CD34: variants seen among roughly 807,000 people sequenced by gnomAD.
CD34 encodes the protein hematopoietic progenitor cell antigen CD34.
CD34 carries 34 observed loss-of-function variants against 40.1 expected under a neutral mutation model. The ratio of observed to expected loss-of-function variants is 0.85; its 90% CI spans 0.65 to 1.13. CD34 has a LOEUF of 1.13. Among genes scored for constraint, CD34 ranks in the 50% most tolerant of loss-of-function variants. CD34 has a pLI of 0.00. For missense variants in CD34, 426 were observed against 466.9 expected (o/e 0.91, Z 0.81); for synonymous variants, 209 against 190.0 (o/e 1.10, Z -0.82).
intron 4 of CD34, chr1:207,890,242 G>A (rs1176680041): frequency 1.0e-6 from 1 of 995,298 alleles, no homozygotes; most frequent in Non-Finnish European, 1.2e-6. Flanking sequence ...TGCTGACTGG[G>A]CCATCAGACC....
chr1:207,884,327 T>C lies in CD34; in HGVS notation c.*3411A>G, dbSNP rs969300243. On this transcript the variant is annotated 3_prime_UTR_variant, in exon 8 of 8. Transcript: ENST00000310833. ...TAGCTCTCAATCCTGAAAACACATG[T>C]ATATACTTACTGAGATGACATTGTT... 6.6e-6 allele frequency: 1 copy of C among 152,274 alleles called. No homozygotes were observed. The highest frequency in any genetic ancestry group is 1.5e-5 in the Non-Finnish European group (1 of 68,046). The allele number at this position is 152,274 out of a possible 1,614,324, so 9.4% of individuals were successfully genotyped here.
At position 207,897,477 on chromosome 1, in the gene CD34, T is replaced by C; in HGVS notation, c.597+16A>G. On this transcript the variant is annotated intron_variant, in intron 4 of 7. Coordinates refer to ENST00000310833, the MANE Select transcript of CD34 (RefSeq NM_001025109.2). ...ACAGGGGCGGGAGGAAGAGGTTGGG[T>C]GGGGGGTTGACTTACACAGCTGGAG... The C allele has an allele frequency of 6.5e-7, 1 of 1,540,074 alleles. No homozygotes were observed. The highest frequency in any genetic ancestry group is 8.8e-7 in the Non-Finnish European group (1 of 1,135,704).
intron 1 of CD34, among the ~76,000 whole-genome samples, chr1:207,907,314 C>T (rs373099211): frequency 1.3e-5 from 2 of 152,188 alleles, no homozygotes; most frequent in Non-Finnish European, 2.9e-5. Context: ...CCTCTCCACC[C>T]TTTATATGCT....
Position 207,884,119 on chromosome 1 carries a change from C to G in CD34, c.*3619G>C, listed in dbSNP as rs900098009. ...ATCTGAGGCTTTCTGCACTTGGCAG[C>G]TTTTCATCATAGGGCTTTGCACTTG... is the stretch of plus-strand genomic sequence containing the variant. On this transcript the variant is annotated 3_prime_UTR_variant, in exon 8 of 8. Transcript: ENST00000310833. 3 of 152,198 alleles carry G rather than the reference C, an allele frequency of 2.0e-5. No homozygotes were observed. Among genetic ancestry groups the G allele is most frequent in the Non-Finnish European group, 4.4e-5 (3 of 68,058 alleles). 9.4% of individuals were successfully genotyped at this position (152,198 alleles called of 1,614,324 possible).
chr1:207,884,453 C>T lies in CD34; in HGVS notation c.*3285G>A, dbSNP rs747014969. On this transcript the variant is annotated 3_prime_UTR_variant, in exon 8 of 8. Transcript: ENST00000310833. The stretch of plus-strand genomic sequence containing the variant: ...ACATAACAGATGTTCTGGCACATTT[C>T]GCGCAGTGTCTGGCACATCATAAGA... 4 of 152,174 alleles carry T rather than the reference C, an allele frequency of 2.6e-5. No homozygotes were observed. Among genetic ancestry groups the T allele is most frequent in the Non-Finnish European group, 5.9e-5 (4 of 68,034 alleles). 9.4% of individuals were successfully genotyped at this position (152,174 alleles called of 1,614,324 possible).
Position 207,888,763 on chromosome 1 carries a change from C to T in CD34, c.891G>A (p.Ser297=), listed in dbSNP as rs201757763. 128 of 1,614,080 alleles carry T rather than the reference C, an allele frequency of 7.9e-5. No homozygotes were observed. Among genetic ancestry groups the T allele is most frequent in the East Asian group, 1.3e-4 (6 of 44,904 alleles). Residue 297 remains serine, a synonymous_variant, in exon 7 of 8, where the codon TCG becomes TCA. Transcript: ENST00000310833. Reference sequence around the variant, plus strand: ...TGCCCAAGACAGCCAGCAGGGCTCCCGAGGTGACCAGTGCAATCAGGGTCT... The same window carrying T: ...TGCCCAAGACAGCCAGCAGGGCTCCTGAGGTGACCAGTGCAATCAGGGTCT... ...SQKTLIALVT[S]GALLAVLGIT...
At chr1:207,897,849 G>A (rs538569457) in intron 3 of CD34, among the ~76,000 whole-genome samples, 1 of 152,270 alleles carries the variant, frequency 6.6e-6, no homozygotes, top group South Asian at 2.1e-4. Context: ...ACACTGGCTT[G>A]GATGGTGCAG....
chr1:207,887,448 C>G lies in CD34; in HGVS notation c.*290G>C. The G allele has an allele frequency of 2.5e-6, 1 of 399,624 alleles. No homozygotes were observed. Among genetic ancestry groups the G allele is most frequent in the South Asian group, 4.1e-5 (1 of 24,328 alleles). The allele number at this position is 399,624 out of a possible 1,614,324, so 24.8% of individuals were successfully genotyped here. On this transcript the variant is annotated 3_prime_UTR_variant, in exon 8 of 8. Transcript: ENST00000310833. ...AGGGGAAGGGGGTCCTGTGTGAGTG[C>G]TGCAAGGCCATCGATTGTTCCTGGG...
chr1:207,904,379 C>T (rs925666766), intron 1 of CD34, among the ~76,000 whole-genome samples: 1 of 152,174 alleles, frequency 6.6e-6, no homozygotes, highest in African/African-American at 2.4e-5. Context: ...AGGAAGTAGG[C>T]CGTTGGGAGC....
chr1:207,889,345 C>T (rs1347683540), intron 5 of CD34, 120 bp downstream of exon 5: 6 of 1,538,972 alleles, frequency 3.9e-6, no homozygotes, highest in Non-Finnish European at 5.3e-6. Flanking sequence ...CCAAAGCCAG[C>T]CAAGTCCTTC....
intron 1 of CD34, among the ~76,000 whole-genome samples, chr1:207,902,033 C>T (rs2267897): frequency 0.14 from 21,584 of 152,164 alleles, 2,595 homozygotes; most frequent in African/African-American, 0.32. Context: ...GGGCCAAGAA[C>T]GGTTTCCCTA....
At chr1:207,896,981 A>C (rs143582728) in intron 4 of CD34, among the ~76,000 whole-genome samples, 1,687 of 152,314 alleles carry the variant, frequency 0.011, 19 homozygotes, top group South Asian at 0.028. Context: ...GAGTCATTCA[A>C]CAAATAATGT....
Position 207,889,557 on chromosome 1 carries a change from T to C in CD34, c.662A>G (p.Asp221Gly). The change falls in exon 5 of 8, where the codon GAT (aspartate) becomes GGT (glycine). Residue 221 changes from aspartate to glycine, a missense_variant. Physicochemically the swap from Asp to Gly is moderately conservative, Grantham distance 94. Coordinates refer to ENST00000310833, the MANE Select transcript of CD34 (RefSeq NM_001025109.2). ...ARVLCGEEQA[D>G]ADAGAQVCSL... ...GCATACCTGGGCCCCAGCATCAGCA[T>C]CAGCCTGCTCCTCCCCACACAGCAC... 1 of 1,614,152 alleles carries C rather than the reference T, an allele frequency of 6.2e-7. No homozygotes were observed.
chr1:207,911,039 C>T lies in CD34; in HGVS notation c.42G>A (p.Pro14=). 1.3e-6 allele frequency: 2 copies of T among 1,593,822 alleles called. No individual in the cohort carries two copies. Among genetic ancestry groups the T allele is most frequent in the Non-Finnish European group, 1.7e-6 (2 of 1,173,476 alleles). ...GCAAGCAAAGCGCGGTCCAGCCCCGCGGCATCCTGGGCCCTGCGCGCGCGC... is the reference window on the plus strand; with the variant it reads ...GCAAGCAAAGCGCGGTCCAGCCCCGTGGCATCCTGGGCCCTGCGCGCGCGC... ...RRGARAGPRM[P]RGWTALCLLS... The change falls in exon 1 of 8, where the codon CCG becomes CCA. Residue 14 remains proline (P), a synonymous_variant. Transcript: ENST00000310833.
intron 1 of CD34, among the ~76,000 whole-genome samples, chr1:207,908,197 G>A (rs991040463): frequency 1.3e-5 from 2 of 152,250 alleles, no homozygotes; most frequent in East Asian, 1.9e-4. Flanking sequence ...CAAAGATTGC[G>A]AAGGAAGGAG....
chr1:207,894,203 G>A (rs1016808586), intron 4 of CD34, among the ~76,000 whole-genome samples: 1 of 152,154 alleles, frequency 6.6e-6, no homozygotes, highest in African/African-American at 2.4e-5. Flanking sequence ...CACTTACAAT[G>A]GAATATCATT....
intron 1 of CD34, among the ~76,000 whole-genome samples, chr1:207,907,229 C>T (rs1033347518): frequency 7.9e-5 from 12 of 152,168 alleles, no homozygotes; most frequent in African/African-American, 1.4e-4. Flanking sequence ...CTAATGAAGC[C>T]ATGTATTAAA....
intron 1 of CD34, 47 bp downstream of exon 1, chr1:207,910,955 C>T: frequency 1.3e-6 from 2 of 1,528,490 alleles, no homozygotes; most frequent in Non-Finnish European, 1.8e-6. Context: ...AGCCTCCACC[C>T]TCCCCGCGGC....
chr1:207,906,550 A>C (rs1420884721), intron 1 of CD34, among the ~76,000 whole-genome samples: 1 of 152,174 alleles, frequency 6.6e-6, no homozygotes, highest in African/African-American at 2.4e-5. Flanking sequence ...TTTATATTCA[A>C]ATAGCATGTC....
Sources: gnomAD v4.1 joint callset for allele counts (sites outside exome capture counted in the v4.1 genomes callset) on GRCh38, gnomAD v4.1.1 for gene constraint, MANE v1.5 for transcripts, NCBI Gene and HGNC (gene_info 2026-07-23, HGNC 2026-07-21) for gene names.